The following GLRA3 variants were observed in gnomAD, a reference collection of about 807,000 sequenced individuals.
The protein encoded by GLRA3 is glycine receptor subunit alpha-3.
GLRA3 carries 44 observed loss-of-function variants against 60.4 expected under a neutral mutation model. That is an observed-to-expected ratio of 0.73 (90% CI 0.57 to 0.94). The LOEUF is 0.94. Among genes scored for constraint, GLRA3 ranks in the 40% least tolerant of loss-of-function variants. The pLI, the probability that GLRA3 is intolerant of heterozygous loss-of-function variation, is 0.00. For missense variants in GLRA3, 508 were observed against 564.6 expected (o/e 0.90, Z 1.02); for synonymous variants, 223 against 192.9 (o/e 1.16, Z -1.29).
intron 6 of GLRA3, 66 bp from the exon 7 acceptor site, chr4:174,677,358 A>C: frequency 1.9e-5 from 17 of 911,948 alleles, no homozygotes; most frequent in South Asian, 2.9e-5. Flanking sequence ...ATCAAATATC[A>C]CAATTTCTCT....
intron 1 of GLRA3, among the ~76,000 whole-genome samples, chr4:174,798,878 A>ACG (rs1739689124): frequency 6.6e-6 from 1 of 151,920 alleles, no homozygotes; most frequent in Non-Finnish European, 1.5e-5. Context: ...CCGAGATAGC[A>ACG]CCACTGCACT....
intron 2 of GLRA3, among the ~76,000 whole-genome samples, chr4:174,776,406 T>G (rs538366981): frequency 1.3e-5 from 2 of 152,058 alleles, no homozygotes; most frequent in African/African-American, 4.8e-5. Flanking sequence ...CTATCACACA[T>G]AAGAAAACTA....
intron 5 of GLRA3, among the ~76,000 whole-genome samples, chr4:174,694,294 T>G (rs1734968957): frequency 6.6e-6 from 1 of 152,090 alleles, no homozygotes; most frequent in South Asian, 2.1e-4. Context: ...CTTTCTTCTC[T>G]TCACTACAAG....
intron 7 of GLRA3, among the ~76,000 whole-genome samples, chr4:174,667,899 G>C (rs892156147): frequency 6.6e-6 from 1 of 152,026 alleles, no homozygotes; most frequent in Non-Finnish European, 1.5e-5. Flanking sequence ...GTTTGGATCT[G>C]TGCCCCCACC....
rs545067547 is a variant in GLRA3, at chr4:174,799,159, C to G, written c.72-10216G>C. Among the ~76,000 whole-genome samples, 6 of 152,236 alleles carry G rather than the reference C, an allele frequency of 3.9e-5. No homozygotes were observed. The South Asian group carries it at 1.2e-3, about 32-fold the overall frequency. ...ATATCTTAGGCACAGGATTAATATACATATCATTTAATTACCATAATAATG... is the reference window on the plus strand; with the variant it reads ...ATATCTTAGGCACAGGATTAATATAGATATCATTTAATTACCATAATAATG... On this transcript the variant is annotated intron_variant, in intron 1 of 9. Transcript: ENST00000274093.
chr4:174,638,717 T>C lies in GLRA3; in HGVS notation c.*5069A>G, dbSNP rs1337295536. 6.6e-6 allele frequency: 1 copy of C among 152,180 alleles called. No homozygotes were observed. The highest frequency in any genetic ancestry group is 1.5e-5 in the Non-Finnish European group (1 of 68,030). The allele number at this position is 152,180 out of a possible 1,614,324, so 9.4% of individuals were successfully genotyped here. A position where few individuals can be genotyped will look rare whatever the true frequency, so the allele number is the denominator to read the frequency against. On this transcript the variant is annotated 3_prime_UTR_variant, in exon 10 of 10. Transcript: ENST00000274093. ...TATTAAGAGAATAAGCTTGTGTAAG[T>C]TCACACGAATTCTCTCACTTCTGGA...
chr4:174,788,706 G>C (rs1414836469), intron 2 of GLRA3, 110 bp downstream of exon 2: 1 of 638,512 alleles, frequency 1.6e-6, no homozygotes, highest in African/African-American at 1.9e-5. Context: ...TGCAATATTT[G>C]GAAGATTGTT....
At chr4:174,790,932 A>AG (rs1194366858) in intron 1 of GLRA3, among the ~76,000 whole-genome samples, 1 of 145,742 alleles carries the variant, frequency 6.9e-6, no homozygotes, top group Non-Finnish European at 1.5e-5. Flanking sequence ...TGAACCTGGG[A>AG]GGTGGGGCTT....
At chr4:174,748,920 A>G (rs930657062) in intron 3 of GLRA3, among the ~76,000 whole-genome samples, 1 of 152,152 alleles carries the variant, frequency 6.6e-6, no homozygotes, top group African/African-American at 2.4e-5. Flanking sequence ...AGTCAATTAC[A>G]TGCACTTGTG....
At chr4:174,736,247 T>C (rs1301923691) in intron 3 of GLRA3, among the ~76,000 whole-genome samples, 2 of 152,052 alleles carry the variant, frequency 1.3e-5, no homozygotes, top group African/African-American at 4.8e-5. Context: ...TGGTCAAATA[T>C]ACATAACATT....
At chr4:174,790,676 C>G (rs1739299114) in intron 1 of GLRA3, among the ~76,000 whole-genome samples, 1 of 151,870 alleles carries the variant, frequency 6.6e-6, no homozygotes, top group Admixed American at 6.6e-5. Flanking sequence ...CTGCCTCCTT[C>G]TCTTTTAAAA....
At chr4:174,689,081 A>T (rs1734679259) in intron 5 of GLRA3, among the ~76,000 whole-genome samples, 1 of 152,178 alleles carries the variant, frequency 6.6e-6, no homozygotes, top group Non-Finnish European at 1.5e-5. Flanking sequence ...TAACTGGTTT[A>T]TTTAAAGTAG....
intron 5 of GLRA3, among the ~76,000 whole-genome samples, chr4:174,691,327 GCTGGCCA>G (rs1202970167): frequency 6.6e-6 from 1 of 152,044 alleles, no homozygotes; most frequent in African/African-American, 2.4e-5. Context: ...GAAAAAATGT[GCTGGCCA>G]CTTGTCTTCT....
At chr4:174,785,409 AT>A (rs1331907067) in intron 2 of GLRA3, among the ~76,000 whole-genome samples, 2 of 152,190 alleles carry the variant, frequency 1.3e-5, no homozygotes, top group African/African-American at 4.8e-5. Context: ...TACTCCAGAA[AT>A]AAATTCATAA....
At chr4:174,687,060 T>C (rs76751765) in intron 5 of GLRA3, among the ~76,000 whole-genome samples, 191 of 152,276 alleles carry the variant, frequency 1.3e-3, no homozygotes, top group African/African-American at 4.5e-3. Context: ...GCCTTTTTCA[T>C]TGAGTCAACA....
intron 2 of GLRA3, among the ~76,000 whole-genome samples, chr4:174,780,654 G>A (rs1232569208): frequency 2.0e-5 from 3 of 151,048 alleles, no homozygotes; most frequent in Non-Finnish European, 4.4e-5. Context: ...AAAAGTCAGG[G>A]GTTGCAATCC....
chr4:174,657,565 T>C (rs10021195), intron 8 of GLRA3, among the ~76,000 whole-genome samples: 46,206 of 151,914 alleles, frequency 0.3, 8,079 homozygotes, highest in Admixed American at 0.48. Flanking sequence ...AAGACCAGAG[T>C]GTCATCCCTG....
In GLRA3 at chr4:174,788,864, T is replaced by A; in HGVS notation, c.151A>T (p.Met51Leu). ...MSPSDFLDKL[M>L]GRTSGYDARI... Reference sequence around the variant, plus strand: ...GCATCATATCCTGATGTCCTGCCCATTAATTTATCCAGAAAATCAGAAGGT... The same window carrying A: ...GCATCATATCCTGATGTCCTGCCCAATAATTTATCCAGAAAATCAGAAGGT... The change falls in exon 2 of 10, where the codon ATG becomes TTG. Residue 51 changes from methionine to leucine, a missense_variant. By Grantham distance (15) the Met-to-Leu change is conservative. Coordinates refer to ENST00000274093, the MANE Select transcript of GLRA3 (RefSeq NM_006529.4). 1 of 1,609,408 alleles carries A rather than the reference T, an allele frequency of 6.2e-7. No homozygotes were observed. Among genetic ancestry groups the A allele is most frequent in the Non-Finnish European group, 8.5e-7 (1 of 1,176,566 alleles).
chr4:174,655,163 G>A (rs973478473), intron 9 of GLRA3, among the ~76,000 whole-genome samples: 5 of 151,962 alleles, frequency 3.3e-5, no homozygotes, highest in African/African-American at 1.2e-4. Context: ...TGACAATAAA[G>A]GGCATAGTAC....
Sources: gnomAD v4.1 joint callset for allele counts (sites outside exome capture counted in the v4.1 genomes callset) on GRCh38, gnomAD v4.1.1 for gene constraint, MANE v1.5 for transcripts, NCBI Gene and HGNC (gene_info 2026-07-23, HGNC 2026-07-21) for gene names.